FBXL17: variants seen among roughly 807,000 people sequenced by gnomAD.
FBXL17 encodes the protein F-box and leucine rich repeat protein 17.
FBXL17 carries 22 observed loss-of-function variants against 66.2 expected under a neutral mutation model. The ratio of observed to expected loss-of-function variants is 0.33; its 90% CI spans 0.24 to 0.47. The LOEUF is 0.47. Ranked by LOEUF, FBXL17 falls within the 20% of genes least tolerant of loss-of-function variation. FBXL17 has a pLI of 1.00. For missense variants in FBXL17, 878 were observed against 948.2 expected (o/e 0.93, Z 0.97); for synonymous variants, 474 against 400.5 (o/e 1.18, Z -2.19).
At chr5:108,351,617 T>A (rs1375236997) in intron 3 of FBXL17, among the ~76,000 whole-genome samples, 1 of 152,216 alleles carries the variant, frequency 6.6e-6, no homozygotes, top group Middle Eastern at 3.2e-3. Flanking sequence ...AGGTTAACAA[T>A]CCCATTTAGC....
intron 3 of FBXL17, among the ~76,000 whole-genome samples, chr5:108,354,882 G>A (rs1360652963): frequency 3.3e-5 from 5 of 151,814 alleles, no homozygotes; most frequent in Admixed American, 2.0e-4. Flanking sequence ...TTAAAGTTTC[G>A]AGTGAAAAAA....
chr5:108,025,283 C>T (rs990910689), intron 6 of FBXL17, among the ~76,000 whole-genome samples: 5 of 152,050 alleles, frequency 3.3e-5, no homozygotes, highest in African/African-American at 1.2e-4. Flanking sequence ...AAAGAAATGT[C>T]CCCAGCAGAG....
intron 4 of FBXL17, among the ~76,000 whole-genome samples, chr5:108,345,608 A>C (rs1434707372): frequency 1.3e-5 from 2 of 150,788 alleles, no homozygotes; most frequent in African/African-American, 4.9e-5. Context: ...CTTAAGAAGA[A>C]ATTTTCCCAT....
chr5:108,289,707 C>G (rs985169573), intron 4 of FBXL17, among the ~76,000 whole-genome samples: 1 of 152,084 alleles, frequency 6.6e-6, no homozygotes, highest in East Asian at 1.9e-4. Flanking sequence ...AATCCTGTAA[C>G]TGTGTTTTGG....
intron 8 of FBXL17, among the ~76,000 whole-genome samples, chr5:107,877,622 C>T (rs371780588): frequency 7.2e-5 from 11 of 152,106 alleles, no homozygotes; most frequent in African/African-American, 1.9e-4. Flanking sequence ...GGAATGCCAG[C>T]GCAAGGACAC....
intron 6 of FBXL17, among the ~76,000 whole-genome samples, chr5:108,117,749 C>G (rs1302839377): frequency 6.6e-6 from 1 of 152,154 alleles, no homozygotes; most frequent in Non-Finnish European, 1.5e-5. Context: ...ACTACACCCC[C>G]TCTCGGAAAT....
At chr5:107,900,458 T>G (rs1317397646) in intron 7 of FBXL17, among the ~76,000 whole-genome samples, 2 of 152,154 alleles carry the variant, frequency 1.3e-5, no homozygotes, top group Non-Finnish European at 2.9e-5. Context: ...GAAATGCAAT[T>G]TATCCTTGGT....
chr5:108,289,841 T>C (rs1267801228), intron 4 of FBXL17, among the ~76,000 whole-genome samples: 1 of 152,146 alleles, frequency 6.6e-6, no homozygotes, highest in Non-Finnish European at 1.5e-5. Context: ...TGACTTACAG[T>C]ATGTGCTCAA....
intron 1 of FBXL17, among the ~76,000 whole-genome samples, chr5:108,378,056 T>G (rs1176563325): frequency 6.6e-6 from 1 of 152,220 alleles, no homozygotes; most frequent in Admixed American, 6.5e-5. Flanking sequence ...ATAGGATATT[T>G]TGCCAAAGGC....
intron 6 of FBXL17, among the ~76,000 whole-genome samples, chr5:108,025,807 G>T (rs1329271463): frequency 6.6e-6 from 1 of 151,622 alleles, no homozygotes; most frequent in South Asian, 2.1e-4. Flanking sequence ...AGAGAGTAAC[G>T]AGAGCAAACA....
intron 4 of FBXL17, among the ~76,000 whole-genome samples, chr5:108,284,307 C>A (rs751165602): frequency 9.9e-5 from 15 of 151,810 alleles, no homozygotes; most frequent in Non-Finnish European, 2.1e-4. Flanking sequence ...ATTCAATCAA[C>A]CTAAGTGTCC....
intron 6 of FBXL17, among the ~76,000 whole-genome samples, chr5:108,172,904 G>A (rs962514137): frequency 1.3e-5 from 2 of 152,092 alleles, no homozygotes; most frequent in South Asian, 2.1e-4. Flanking sequence ...GGGTTCAAGC[G>A]ATTCTCCTGC....
chr5:108,301,048 A>C (rs1758567313), intron 4 of FBXL17, among the ~76,000 whole-genome samples: 1 of 151,820 alleles, frequency 6.6e-6, no homozygotes, highest in South Asian at 2.1e-4. Context: ...TCATTTTGTA[A>C]AATCAAATTG....
chr5:107,960,019 G>A (rs897348585), intron 7 of FBXL17, among the ~76,000 whole-genome samples: 1 of 152,110 alleles, frequency 6.6e-6, no homozygotes, highest in African/African-American at 2.4e-5. Flanking sequence ...ACTCTGTTGT[G>A]GAAACTGATA....
chr5:107,861,761 G>T lies in FBXL17; in HGVS notation c.2065C>A (p.Gln689Lys). The T allele has an allele frequency of 6.3e-7, 1 of 1,588,004 alleles. No individual in the cohort carries two copies. Among genetic ancestry groups the T allele is most frequent in the Non-Finnish European group, 8.6e-7 (1 of 1,164,938 alleles). Residue 689 changes from glutamine to lysine, a missense_variant, in exon 9 of 9, where the codon CAG (glutamine) becomes AAG (lysine). This residue lies in a region of FBXL17 where 31 missense variants were observed against 27.0 expected (regional missense o/e 1.15). Coordinates refer to ENST00000542267, the MANE Select transcript of FBXL17 (RefSeq NM_001163315.3). ...GACATGTTGGGGGTCCAGCCCATCT[G>T]ATAGGCTCTCTCCAAGGTCCTCTTG... Reference protein sequence around the residue: ...DCKRTLERAYQMGWTPNMSAA... With the variant: ...DCKRTLERAYKMGWTPNMSAA...
rs539923507 is a variant in FBXL17, at chr5:108,327,792, G to C, written c.1506+20607C>G. ...CAACAAAGCTCTGGCAATAATTCCA[G>C]GTTTCCTTTGGTCATGAAGAAGAGA... On this transcript the variant is annotated intron_variant, in intron 4 of 8. Coordinates refer to ENST00000542267, the MANE Select transcript of FBXL17 (RefSeq NM_001163315.3). Among the ~76,000 whole-genome samples, 3 of 152,196 alleles carry C rather than the reference G, an allele frequency of 2.0e-5. No homozygotes were observed. In the South Asian group the frequency reaches 6.2e-4, roughly 32 times the overall value.
chr5:108,152,408 T>G (rs1365757528), intron 6 of FBXL17, among the ~76,000 whole-genome samples: 1 of 152,168 alleles, frequency 6.6e-6, no homozygotes, highest in African/African-American at 2.4e-5. Flanking sequence ...GTCAATTTTT[T>G]TTATTGTAGA....
chr5:108,114,239 C>T (rs977918797), intron 6 of FBXL17, among the ~76,000 whole-genome samples: 2 of 152,258 alleles, frequency 1.3e-5, no homozygotes, highest in African/African-American at 4.8e-5. Flanking sequence ...CAGAACTTTA[C>T]AATTGTTTAT....
intron 7 of FBXL17, among the ~76,000 whole-genome samples, chr5:107,970,662 C>A (rs1227338073): frequency 6.6e-6 from 1 of 152,164 alleles, no homozygotes; most frequent in Non-Finnish European, 1.5e-5. Context: ...TGGCCAAAGT[C>A]CCACTTTCCT....
Sources: gnomAD v4.1 joint callset for allele counts (sites outside exome capture counted in the v4.1 genomes callset) on GRCh38, gnomAD v4.1.1 for gene constraint, gnomAD v4.1.1 regional missense constraint, MANE v1.5 for transcripts, NCBI Gene and HGNC (gene_info 2026-07-23, HGNC 2026-07-21) for gene names.